DNAH17: variants seen among roughly 807,000 people sequenced by gnomAD.
DNAH17 encodes the protein dynein axonemal heavy chain 17.
A neutral mutation model predicts 485.6 loss-of-function variants in DNAH17; 376 were observed. The ratio of observed to expected loss-of-function variants is 0.77; its 90% CI spans 0.71 to 0.84. The LOEUF (loss-of-function observed/expected upper bound fraction) is 0.84. Ranked by LOEUF, DNAH17 falls within the 40% of genes least tolerant of loss-of-function variation. DNAH17 has a pLI of 0.00. For missense variants in DNAH17, 6,370 were observed against 5,839.3 expected, an observed-to-expected ratio of 1.09 and a Z score of -2.96; for synonymous variants, 3,031 against 2,405.9, an observed-to-expected ratio of 1.26 and a Z score of -7.60.
intron 73 of DNAH17, among the ~76,000 whole-genome samples, chr17:78,438,237 G>T (rs963194827): frequency 2.0e-5 from 3 of 151,246 alleles, no homozygotes; most frequent in African/African-American, 2.4e-5. Flanking sequence ...GTGGATTGAG[G>T]TCGACACACA....
At chr17:78,509,309 G>A (rs572760179) in intron 27 of DNAH17, among the ~76,000 whole-genome samples, 6 of 151,908 alleles carry the variant, frequency 3.9e-5, no homozygotes, top group Admixed American at 1.3e-4. Flanking sequence ...TTGTAGAGAT[G>A]GGGTCTGCCT....
chr17:78,479,710 A>G, intron 49 of DNAH17, 78 bp from the exon 50 acceptor site: 1 of 1,582,052 alleles, frequency 6.3e-7, no homozygotes, highest in South Asian at 1.1e-5. Context: ...TTCGCGGGAG[A>G]GTGGCCCCTG....
intron 54 of DNAH17, among the ~76,000 whole-genome samples, chr17:78,470,792 A>G (rs1338413936): frequency 2.6e-5 from 4 of 152,242 alleles, no homozygotes; most frequent in African/African-American, 4.8e-5. Flanking sequence ...AGACCCTAAA[A>G]GAGGCCCTGA....
rs372292514 is a variant in DNAH17 at position 78,502,311 on chromosome 17, AT to A, written c.5190+279del. Reference sequence around the variant, plus strand: ...TGTTTCCATATTTCTAACCAAGGACATTTTTTTTTTAAAGACTCTCAGTAGC... The same window carrying A: ...TGTTTCCATATTTCTAACCAAGGACATTTTTTTTTAAAGACTCTCAGTAGC... On this transcript the variant is annotated intron_variant, in intron 33 of 80. Transcript: ENST00000389840. 1,811 of 328,294 alleles carry A rather than the reference AT, an allele frequency of 5.5e-3. 2 individuals carry two copies. Among genetic ancestry groups the A allele is most frequent in the East Asian group, 0.02 (322 of 16,430 alleles). 20.3% of individuals were successfully genotyped at this position (328,294 alleles called of 1,614,324 possible).
Position 78,525,103 on chromosome 17 carries a change from C to A in DNAH17, c.3770G>T (p.Gly1257Val), listed in dbSNP as rs758716329. The change falls in exon 25 of 81, where the codon GGC (glycine) becomes GTC (valine). Residue 1257 changes from glycine (G) to valine (V), a missense_variant. Transcript: ENST00000389840. ...GIMEALSKSG[G>V]LFEVPVPDYK... ...GTCTGGGACGGGGACCTCGAACAGG[C>A]CCCCGGACTTGGACAGCGCCTCCAT... is the stretch of plus-strand genomic sequence containing the variant. The A allele has an allele frequency of 3.7e-6, 6 of 1,613,646 alleles. No homozygotes were observed. The South Asian group carries it at 5.5e-5, about 15-fold the overall frequency.
rs184908706 is a variant in DNAH17, at chr17:78,525,052, C to T, written c.3821G>A (p.Arg1274Gln). ...PDYKQLKACH[R>Q]EVRLLKELWD... ...GAGCTCCTTCAGTAGGCGGACCTCC[C>T]GGTGGCAGGCCTTGAGCTGCTTGTA... The change falls in exon 25 of 81, where the codon CGG becomes CAG. Residue 1274 changes from arginine to glutamine, a missense_variant. Arg to Gln is a conservative substitution (Grantham distance 43, BLOSUM62 1). Coordinates refer to ENST00000389840, the MANE Select transcript of DNAH17 (RefSeq NM_173628.4). 1,071 of 1,613,782 alleles carry T rather than the reference C, an allele frequency of 6.6e-4. 29 individuals are homozygous for T. The East Asian group carries it at 0.015, about 23-fold the overall frequency.
intron 52 of DNAH17, 117 bp from the exon 53 acceptor site, chr17:78,475,950 G>T: frequency 8.3e-7 from 1 of 1,203,330 alleles, no homozygotes; most frequent in Non-Finnish European, 1.1e-6. Context: ...CGGGGTCCCA[G>T]GCCAAGTCTC....
At chr17:78,498,338 A>C (rs1035677152) in intron 37 of DNAH17, among the ~76,000 whole-genome samples, 18 of 152,300 alleles carry the variant, frequency 1.2e-4, no homozygotes, top group African/African-American at 1.7e-4. Flanking sequence ...TTGGAAGAGC[A>C]CAATTGTCCC....
At position 78,501,786 on chromosome 17, in the gene DNAH17, C is replaced by A. The variant is rs762456557; in HGVS notation, c.5278G>T (p.Asp1760Tyr). The A allele has an allele frequency of 2.6e-5, 42 of 1,613,800 alleles. No homozygotes were observed. The East Asian group carries it at 8.9e-4, about 34-fold the overall frequency. The part of the protein sequence containing the change: ...RMKIMTICTI[D>Y]VHARDVVAKM... ...GCCACCACGTCCCGTGCGTGCACAT[C>A]GATGGTGCAGATGGTCATGATCTTC... The change falls in exon 34 of 81, where the codon GAT (aspartate) becomes TAT (tyrosine). Residue 1760 changes from aspartate to tyrosine, a missense_variant. Transcript: ENST00000389840.
chr17:78,524,677 T>C (rs4969159), intron 25 of DNAH17, among the ~76,000 whole-genome samples: 19,965 of 151,830 alleles, frequency 0.13, 1,717 homozygotes, highest in Middle Eastern at 0.22. Context: ...ACAGACTAAG[T>C]GGTATTCCTT....
intron 3 of DNAH17, 80 bp from the exon 4 acceptor site, chr17:78,571,862 G>T: frequency 7.2e-7 from 1 of 1,380,128 alleles, no homozygotes; most frequent in Non-Finnish European, 9.9e-7. Context: ...GAATCCTTCT[G>T]CCCACCAATC....
At chr17:78,440,946 G>A (rs1419289801) in intron 72 of DNAH17, 105 bp downstream of exon 72, 1 of 1,371,512 alleles carries the variant, frequency 7.3e-7, no homozygotes, top group African/African-American at 1.4e-5. Context: ...GCCGCGTCTT[G>A]GGTGTGAAGT....
chr17:78,455,623 G>A, intron 63 of DNAH17, 21 bp downstream of exon 63: 1 of 1,517,502 alleles, frequency 6.6e-7, no homozygotes, highest in Non-Finnish European at 8.9e-7. Context: ...CACCGCGCCT[G>A]GCCAGGACTC....
intron 56 of DNAH17, among the ~76,000 whole-genome samples, chr17:78,463,837 G>C (rs1001246262): frequency 4.6e-5 from 7 of 152,168 alleles, no homozygotes; most frequent in African/African-American, 1.4e-4. Flanking sequence ...ATTTTGAAAA[G>C]TAATGAATTC....
At position 78,552,703 on chromosome 17, in the gene DNAH17, CA is replaced by C. The variant is rs2091930541; in HGVS notation, c.2280del (p.Asn760LysfsTer30). Reference sequence around the variant, plus strand: ...AGGAATGTGGCCTCCGTACCTTCGCCATTCCAGAATAATGTCGTTTCAGCGC... The same window carrying C: ...AGGAATGTGGCCTCCGTACCTTCGCCTTCCAGAATAATGTCGTTTCAGCGC... ...LLSAETTLFW[N>X]GEGVFQYIQE... On this transcript the variant is annotated frameshift_variant, in exon 15 of 81. Transcript: ENST00000389840. LOFTEE classifies it high-confidence loss of function. The C allele has an allele frequency of 5.0e-6, 8 of 1,613,478 alleles. No homozygotes were observed. Among genetic ancestry groups the C allele is most frequent in the Non-Finnish European group, 6.8e-6 (8 of 1,179,414 alleles).
intron 16 of DNAH17, among the ~76,000 whole-genome samples, chr17:78,547,339 T>C (rs4969154): frequency 0.79 from 119,728 of 152,108 alleles, 47,236 homozygotes; most frequent in African/African-American, 0.81. Context: ...TTGTCAGGAG[T>C]CTTTCTCAAG....
At position 78,514,777 on chromosome 17, in the gene DNAH17, G is replaced by T; in HGVS notation, c.4110C>A (p.Thr1370=). 8 of 1,613,724 alleles carry T rather than the reference G, an allele frequency of 5.0e-6. No individual in the cohort carries two copies. Among genetic ancestry groups the T allele is most frequent in the Non-Finnish European group, 6.8e-6 (8 of 1,179,796 alleles). The stretch of plus-strand genomic sequence containing the variant: ...CGCCCACCATGGTGCATGGTACCTG[G>T]GTGGCCTGCATGAGCTGCTGCCAGT... ...ERHWQQLMQA[T]QVKFKMSEET... Residue 1370 remains threonine (T), a synonymous_variant, in exon 26 of 81, where the codon ACC becomes ACA. Coordinates refer to ENST00000389840, the MANE Select transcript of DNAH17 (RefSeq NM_173628.4).
chr17:78,552,567 C>G (rs1205685198), intron 15 of DNAH17, 130 bp downstream of exon 15: 4 of 556,176 alleles, frequency 7.2e-6, no homozygotes, highest in Admixed American at 2.8e-5. Flanking sequence ...TCCTTTAGCC[C>G]CCTTGAAGTT....
rs2086898501 is a variant in DNAH17 at position 78,437,771 on chromosome 17, G to A, written c.11903C>T (p.Ala3968Val). 9 of 1,612,512 alleles carry A rather than the reference G, an allele frequency of 5.6e-6. No homozygotes were observed. The highest frequency in any genetic ancestry group is 2.2e-5 in the East Asian group (1 of 44,892). ...SHEDYRVFISAEPAPSPETHI... is the reference protein window; with the variant it reads ...SHEDYRVFISVEPAPSPETHI... The stretch of plus-strand genomic sequence containing the variant: ...GGTCTCGGGGCTGGGGGCAGGCTCC[G>A]CGCTGATGAACACCCGGTAGTCCTC... The change falls in exon 74 of 81, where the codon GCG becomes GTG. Residue 3968 changes from alanine (A) to valine (V), a missense_variant. Ala to Val is a moderately conservative substitution (Grantham distance 64). Coordinates refer to ENST00000389840, the MANE Select transcript of DNAH17 (RefSeq NM_173628.4).
Sources: allele counts gnomAD v4.1 joint callset (sites outside exome capture counted in the v4.1 genomes callset), GRCh38; gene constraint gnomAD v4.1.1; transcripts MANE v1.5; gene names NCBI Gene and HGNC (gene_info 2026-07-23, HGNC 2026-07-21).